BICRAL: variants seen among roughly 807,000 people sequenced by gnomAD.
BICRAL encodes the protein BRD4-interacting chromatin-remodeling complex-associated protein-like.
In BICRAL, 8 loss-of-function variants were observed where a neutral mutation model predicts 91.8. That is an observed-to-expected ratio of 0.09 (90% confidence interval 0.05 to 0.16). The LOEUF is 0.16. Ranked by LOEUF, BICRAL falls within the 10% of genes least tolerant of loss-of-function variation. The pLI is 1.00. For missense variants in BICRAL, 1,038 were observed against 1,310.9 expected, an observed-to-expected ratio of 0.79 and a Z score of 3.21; for synonymous variants, 445 against 491.1, an observed-to-expected ratio of 0.91 and a Z score of 1.24.
chr6:42,829,285 A>T lies in BICRAL; in HGVS notation c.952A>T (p.Ile318Phe), dbSNP rs1247285492. The change falls in exon 6 of 13, where the codon ATC becomes TTC. Residue 318 changes from isoleucine to phenylalanine, a missense_variant. Transcript: ENST00000314073. ...CCCAATTAATATACAGCCAAAGCCT[A>T]TCCAGATGGGTCAGCAAAATACATA... ...KVPINIQPKP[I>F]QMGQQNTYNV... 1 of 1,614,210 alleles carries T rather than the reference A, an allele frequency of 6.2e-7. No individual in the cohort carries two copies.
intron 1 of BICRAL, among the ~76,000 whole-genome samples, chr6:42,786,033 G>A (rs1306872142): frequency 6.6e-6 from 1 of 151,094 alleles, no homozygotes; most frequent in Non-Finnish European, 1.5e-5. Context: ...CCAGCCTGGA[G>A]ACAAAAAACA....
intron 10 of BICRAL, among the ~76,000 whole-genome samples, chr6:42,858,653 A>G (rs1185628530): frequency 2.0e-5 from 3 of 151,160 alleles, no homozygotes; most frequent in Non-Finnish European, 4.4e-5. Context: ...CCCTGTGTCT[A>G]CTAAAAATAC....
intron 1 of BICRAL, among the ~76,000 whole-genome samples, chr6:42,809,717 C>G (rs527748740): frequency 6.6e-6 from 1 of 152,094 alleles, no homozygotes; most frequent in East Asian, 1.9e-4. Context: ...CTCAACCGAT[C>G]CACCTGCCTC....
At chr6:42,782,786 GA>G (rs1428355919) in intron 1 of BICRAL, among the ~76,000 whole-genome samples, 3 of 151,882 alleles carry the variant, frequency 2.0e-5, no homozygotes. Flanking sequence ...TCGGCGAGGG[GA>G]AGACGGCGCG....
chr6:42,778,441 G>A (rs1436376525), upstream of BICRAL, among the ~76,000 whole-genome samples: 8 of 152,106 alleles, frequency 5.3e-5, no homozygotes, highest in East Asian at 5.8e-4. Flanking sequence ...CTTATTCTTC[G>A]GGTTTGAGTG....
At chr6:42,861,493 A>G (rs1257199886) in intron 11 of BICRAL, among the ~76,000 whole-genome samples, 1 of 152,222 alleles carries the variant, frequency 6.6e-6, no homozygotes, top group Non-Finnish European at 1.5e-5. Context: ...AGAAAATGAT[A>G]GAAAGACCGA....
intron 1 of BICRAL, among the ~76,000 whole-genome samples, chr6:42,750,173 T>A (rs1012427123): frequency 4.6e-5 from 7 of 151,934 alleles, no homozygotes; most frequent in African/African-American, 7.2e-5. Context: ...CCTTTTTTTT[T>A]AAATTGAGAC....
upstream of BICRAL, among the ~76,000 whole-genome samples, chr6:42,778,875 T>C (rs1762839267): frequency 6.6e-6 from 1 of 151,952 alleles, no homozygotes; most frequent in Non-Finnish European, 1.5e-5. Flanking sequence ...TGGAGTGCAA[T>C]GGCGCAATCT....
At chr6:42,837,465 A>G (rs779113024) in intron 6 of BICRAL, among the ~76,000 whole-genome samples, 17 of 151,800 alleles carry the variant, frequency 1.1e-4, no homozygotes, top group Non-Finnish European at 2.2e-4. Context: ...CAAAAAATCA[A>G]ATGGGGCCGG....
intron 1 of BICRAL, among the ~76,000 whole-genome samples, chr6:42,809,891 A>G (rs1048001386): frequency 3.9e-5 from 6 of 152,088 alleles, no homozygotes; most frequent in African/African-American, 9.7e-5. Flanking sequence ...GGTTCAACCA[A>G]TTCTCCTGCC....
At position 42,852,142 on chromosome 6, in the gene BICRAL, C is replaced by T. The variant is rs772658963; in HGVS notation, c.1890C>T (p.Thr630=). Residue 630 remains threonine (T), a synonymous_variant, in exon 7 of 13, where the codon ACC becomes ACT. Transcript: ENST00000314073. ...CTTCCCCCATTTCTGCTCCCAAGAC[C>T]ACAGACGGCCTGAGGCAAGCACAGA... The part of the protein sequence containing the change: ...NQTSPISAPK[T]TDGLRQAQIP... 1 of 1,613,714 alleles carries T rather than the reference C, an allele frequency of 6.2e-7. No individual in the cohort carries two copies. The highest frequency in any genetic ancestry group is 8.5e-7 in the Non-Finnish European group (1 of 1,179,682).
intron 1 of BICRAL, among the ~76,000 whole-genome samples, chr6:42,750,629 G>A (rs770674437): frequency 6.6e-6 from 1 of 152,126 alleles, no homozygotes; most frequent in African/African-American, 2.4e-5. Flanking sequence ...AGGCTGGAGT[G>A]CAATGGCGCG....
intron 12 of BICRAL, among the ~76,000 whole-genome samples, chr6:42,863,080 C>T (rs928716591): frequency 4.3e-5 from 6 of 140,434 alleles, no homozygotes; most frequent in Admixed American, 7.6e-5. Context: ...GACGGAGTAT[C>T]GCTCTGTCGC....
intron 1 of BICRAL, among the ~76,000 whole-genome samples, chr6:42,794,490 C>G (rs1157841724): frequency 6.6e-6 from 1 of 151,134 alleles, no homozygotes; most frequent in Non-Finnish European, 1.5e-5. Flanking sequence ...CTCCTGGAGT[C>G]AAGTAATCCT....
At chr6:42,814,779 C>T (rs1322386537) in intron 2 of BICRAL, among the ~76,000 whole-genome samples, 2 of 150,886 alleles carry the variant, frequency 1.3e-5, no homozygotes, top group Non-Finnish European at 3.0e-5. Context: ...CCTGCCTCAG[C>T]CACTAGGCTA....
In BICRAL at chr6:42,866,439, C is replaced by T; in HGVS notation, c.*993C>T. 1 of 169,824 alleles carries T rather than the reference C, an allele frequency of 5.9e-6. No homozygotes were observed. Among genetic ancestry groups the T allele is most frequent in the Non-Finnish European group, 1.3e-5 (1 of 77,884 alleles). The allele number at this position is 169,824 out of a possible 1,614,324, so 10.5% of individuals were successfully genotyped here. On this transcript the variant is annotated 3_prime_UTR_variant, in exon 13 of 13. Coordinates refer to ENST00000314073, the MANE Select transcript of BICRAL (RefSeq NM_001393499.1). ...GTTGCTGGATTTTGTTTCATTTAAC[C>T]TCTCTTTGCACCCTCTCCCACAACA...
chr6:42,797,271 G>A (rs1195241923), intron 1 of BICRAL, among the ~76,000 whole-genome samples: 1 of 152,062 alleles, frequency 6.6e-6, no homozygotes, highest in Non-Finnish European at 1.5e-5. Flanking sequence ...TAAGAGAGGC[G>A]GACAGTAAGG....
chr6:42,838,422 G>A (rs1259604340), intron 6 of BICRAL, among the ~76,000 whole-genome samples: 4 of 152,104 alleles, frequency 2.6e-5, no homozygotes, highest in Non-Finnish European at 4.4e-5. Flanking sequence ...CCCATTCGTG[G>A]TGATGCTGAG....
chr6:42,801,992 A>G (rs187421107), intron 1 of BICRAL, among the ~76,000 whole-genome samples: 2 of 152,144 alleles, frequency 1.3e-5, no homozygotes, highest in Non-Finnish European at 2.9e-5. Flanking sequence ...ATATATCATA[A>G]TGCTGGGCAT....
Sources: gnomAD v4.1 joint callset for allele counts (sites outside exome capture counted in the v4.1 genomes callset) on GRCh38, gnomAD v4.1.1 for gene constraint, MANE v1.5 for transcripts, NCBI Gene and HGNC (gene_info 2026-07-23, HGNC 2026-07-21) for gene names.